The following MYO16 variants were observed in gnomAD, a reference collection of about 807,000 sequenced individuals.
MYO16 encodes unconventional myosin-XVI.
In MYO16, 94 loss-of-function variants were observed where a neutral mutation model predicts 205.3. The ratio of observed to expected loss-of-function variants is 0.46; its 90% confidence interval spans 0.39 to 0.54. The LOEUF (loss-of-function observed/expected upper bound fraction) is 0.54, where lower values mean the gene tolerates loss of function less well. MYO16 is among the 20% of genes least tolerant of loss of function. The pLI, the probability that MYO16 is intolerant of heterozygous loss-of-function variation, is 0.00. For synonymous variants in MYO16, 988 were observed against 954.0 expected (o/e 1.04, Z -0.66); for missense variants, 2,315 against 2,387.5 (o/e 0.97, Z 0.63).
chr13:108,689,628 C>G (rs988292811), intron 2 of MYO16, among the ~76,000 whole-genome samples: 2 of 151,980 alleles, frequency 1.3e-5, no homozygotes, highest in African/African-American at 2.4e-5. Flanking sequence ...GACAAATAAT[C>G]TATTTCCTTG....
rs1271898769 is a variant in MYO16, at chr13:108,983,385, C to T, written c.2370-8991C>T. Among the ~76,000 whole-genome samples, 7 of 152,048 alleles carry T rather than the reference C, an allele frequency of 4.6e-5. No individual in the cohort carries two copies. The South Asian group carries it at 6.2e-4, about 14-fold the overall frequency. ...CTGTGGGATATTCATCCAAGATTTC[C>T]GTGAAACAAATTTTAAAATTCAAGA... On this transcript the variant is annotated intron_variant, in intron 20 of 34. Transcript: ENST00000457511.
chr13:109,136,540 A>C (rs1876786537), intron 31 of MYO16, among the ~76,000 whole-genome samples: 1 of 152,222 alleles, frequency 6.6e-6, no homozygotes, highest in South Asian at 2.1e-4. Context: ...GATTTACTCT[A>C]GGCAGCTAGA....
At chr13:109,192,937 C>A (rs936479857) in intron 34 of MYO16, among the ~76,000 whole-genome samples, 2 of 152,158 alleles carry the variant, frequency 1.3e-5, no homozygotes, top group South Asian at 2.1e-4. Context: ...ACATTTATAG[C>A]ACCTAAGTTT....
At chr13:109,144,079 ATCTTGGCTG>A (rs1421305340) in intron 32 of MYO16, among the ~76,000 whole-genome samples, 1 of 151,090 alleles carries the variant, frequency 6.6e-6, no homozygotes, top group African/African-American at 2.4e-5. Flanking sequence ...CAATGGCACA[ATCTTGGCTG>A]ACTGCAGCCT....
intron 18 of MYO16, 129 bp downstream of exon 18, chr13:108,961,785 AG>A (rs574338897): frequency 1.9e-5 from 13 of 689,284 alleles, no homozygotes; most frequent in Non-Finnish European, 3.0e-5. Context: ...GAATTCAGTG[AG>A]GGGGGGAAAT....
chr13:108,866,740 T>C (rs990769575), intron 12 of MYO16, among the ~76,000 whole-genome samples: 13 of 152,134 alleles, frequency 8.5e-5, no homozygotes, highest in African/African-American at 3.1e-4. Flanking sequence ...CAATTGAAAA[T>C]GCAGTATGAT....
In MYO16 at chr13:109,081,699, T is replaced by C. The variant is rs190954321; in HGVS notation, c.3336-19086T>C. The stretch of plus-strand genomic sequence containing the variant: ...AAAAAAGGGATGGGCATGAGCAGCA[T>C]CTTAAGGTGTACAGGAAAAGATGCC... On this transcript the variant is annotated intron_variant, in intron 27 of 34. Transcript: ENST00000457511. Among the ~76,000 whole-genome samples, 28 of 152,198 alleles carry C rather than the reference T, an allele frequency of 1.8e-4. No individual in the cohort carries two copies. The East Asian group carries it at 5.4e-3, about 29-fold the overall frequency.
intron 1 of MYO16, among the ~76,000 whole-genome samples, chr13:108,608,924 G>A (rs1007425569): frequency 6.6e-6 from 1 of 152,166 alleles, no homozygotes; most frequent in Admixed American, 6.6e-5. Context: ...GATTATAGGT[G>A]TGAGCTACCC....
At chr13:108,816,098 C>T (rs1308187480) in intron 7 of MYO16, among the ~76,000 whole-genome samples, 1 of 152,030 alleles carries the variant, frequency 6.6e-6, no homozygotes, top group East Asian at 1.9e-4. Context: ...GGTGCTGGAC[C>T]GTCCGGGCCT....
chr13:109,193,129 T>TTC (rs980508638), intron 34 of MYO16, among the ~76,000 whole-genome samples: 5 of 151,220 alleles, frequency 3.3e-5, no homozygotes, highest in Non-Finnish European at 7.4e-5. Context: ...CCCTCTCTCT[T>TTC]TCTCTCTCTC....
In MYO16 at chr13:108,962,410, T is replaced by C; in HGVS notation, c.2156-14T>C. Reference sequence around the variant, plus strand: ...TATACTAACTTTATGTTTATAATGCTGATTTAATTTTAGTGGCTGGAATGT... The same window carrying C: ...TATACTAACTTTATGTTTATAATGCCGATTTAATTTTAGTGGCTGGAATGT... On this transcript the variant is annotated splice_polypyrimidine_tract_variant and intron_variant, in intron 18 of 34. Coordinates refer to ENST00000457511, the MANE Select transcript of MYO16 (RefSeq NM_001198950.3). 6.3e-7 allele frequency: 1 copy of C among 1,597,308 alleles called. No individual in the cohort carries two copies. Among genetic ancestry groups the C allele is most frequent in the Non-Finnish European group, 8.5e-7 (1 of 1,170,600 alleles).
intron 2 of MYO16, among the ~76,000 whole-genome samples, chr13:108,704,717 C>A (rs1304498576): frequency 4.0e-5 from 6 of 151,530 alleles, no homozygotes; most frequent in Non-Finnish European, 7.4e-5. Flanking sequence ...GTAATAAATG[C>A]CTATATTTAA....
At chr13:108,981,152 T>G (rs1200816849) in intron 20 of MYO16, among the ~76,000 whole-genome samples, 1 of 152,238 alleles carries the variant, frequency 6.6e-6, no homozygotes, top group African/African-American at 2.4e-5. Context: ...GTTTTGAAAG[T>G]TAAATTTATG....
intron 2 of MYO16, among the ~76,000 whole-genome samples, chr13:108,686,604 A>T (rs181116920): frequency 1.4e-4 from 21 of 152,326 alleles, no homozygotes; most frequent in Admixed American, 1.2e-3. Flanking sequence ...AAAAAGAGAC[A>T]GGCAATGATC....
At chr13:109,197,772 T>C (rs574125964) in intron 34 of MYO16, among the ~76,000 whole-genome samples, 9 of 152,348 alleles carry the variant, frequency 5.9e-5, no homozygotes, top group Admixed American at 2.0e-4. Context: ...TCTTTGAGCT[T>C]TCATTTCAGC....
chr13:109,134,763 C>T (rs556467944), intron 31 of MYO16, among the ~76,000 whole-genome samples: 2 of 152,276 alleles, frequency 1.3e-5, no homozygotes, highest in Non-Finnish European at 2.9e-5. Context: ...CCTTCTGCCA[C>T]GTTCCTTCCA....
At chr13:108,970,864 A>G (rs1001775607) in intron 20 of MYO16, among the ~76,000 whole-genome samples, 2 of 151,886 alleles carry the variant, frequency 1.3e-5, no homozygotes, top group Non-Finnish European at 2.9e-5. Flanking sequence ...CCTCTTAGAC[A>G]AGAATTCTTG....
Position 108,723,898 on chromosome 13 carries a change from C to G in MYO16, c.364-3542C>G, listed in dbSNP as rs773254455. Among the ~76,000 whole-genome samples the G allele has an allele frequency of 8.7e-4, 132 of 152,074 alleles. 1 individual carries two copies. The highest frequency in any genetic ancestry group is 1.5e-3 in the Non-Finnish European group (99 of 67,984). On this transcript the variant is annotated intron_variant, in intron 3 of 34. Transcript: ENST00000457511. The stretch of plus-strand genomic sequence containing the variant: ...TTATGACACATTTGGATTGAATCTA[C>G]AGATCAATTTGGGAAGGACTGGTTT...
chr13:108,887,364 G>A (rs371126425), intron 13 of MYO16, among the ~76,000 whole-genome samples: 2 of 152,088 alleles, frequency 1.3e-5, no homozygotes, highest in East Asian at 1.9e-4. Flanking sequence ...ATGTTTCCAG[G>A]CAGAAAACCA....
Sources: gnomAD v4.1 joint callset for allele counts (sites outside exome capture counted in the v4.1 genomes callset) on GRCh38, gnomAD v4.1.1 for gene constraint, MANE v1.5 for transcripts, NCBI Gene and HGNC (gene_info 2026-07-23, HGNC 2026-07-21) for gene names.